Variants in FBXL20 observed in about 807,000 individuals in gnomAD.
FBXL20 encodes F-box/LRR-repeat protein 20.
Under a neutral mutation model 64.0 loss-of-function variants are expected in FBXL20, and 11 were observed. The ratio of observed to expected loss-of-function variants is 0.17; its 90% confidence interval spans 0.11 to 0.28. FBXL20 has a LOEUF of 0.28. Among genes scored for constraint, FBXL20 ranks in the 10% least tolerant of loss-of-function variants. The probability of loss-of-function intolerance (pLI) is 1.00; values close to 1 mark genes in which losing one functional copy is unlikely to be tolerated. For missense variants in FBXL20, 303 were observed against 526.2 expected (o/e 0.58, Z 4.15); for synonymous variants, 184 against 189.0 (o/e 0.97, Z 0.22).
At chr17:39,395,824 AATG>A (rs1364226754) in intron 1 of FBXL20, among the ~76,000 whole-genome samples, 1 of 152,138 alleles carries the variant, frequency 6.6e-6, no homozygotes, top group Non-Finnish European at 1.5e-5. Context: ...GTATGAGTGA[AATG>A]ATGTAGAGAG....
chr17:39,265,317 T>C (rs913358938), intron 13 of FBXL20, 80 bp downstream of exon 13: 35 of 1,114,180 alleles, frequency 3.1e-5, no homozygotes, highest in Non-Finnish European at 4.5e-5. Context: ...AGCCAGACAC[T>C]AAGAGCTGGG....
chr17:39,395,457 G>A (rs1004737853), intron 1 of FBXL20, among the ~76,000 whole-genome samples: 1 of 152,156 alleles, frequency 6.6e-6, no homozygotes, highest in African/African-American at 2.4e-5. Flanking sequence ...AAGGACCCAT[G>A]ATTATGCAAT....
chr17:39,392,537 T>TA (rs1255588415), intron 1 of FBXL20, among the ~76,000 whole-genome samples: 9 of 151,632 alleles, frequency 5.9e-5, no homozygotes, highest in South Asian at 2.1e-4. Flanking sequence ...CTTGGACCTA[T>TA]AAAAAAAGGG....
At chr17:39,374,519 C>A (rs1476811279) in intron 1 of FBXL20, among the ~76,000 whole-genome samples, 2 of 150,854 alleles carry the variant, frequency 1.3e-5, no homozygotes, top group Admixed American at 1.3e-4. Flanking sequence ...CCAGCCAAGG[C>A]AATAGAGCGA....
intron 1 of FBXL20, among the ~76,000 whole-genome samples, chr17:39,387,247 A>G (rs1207701867): frequency 6.8e-6 from 1 of 146,986 alleles, no homozygotes; most frequent in African/African-American, 2.5e-5. Flanking sequence ...CTAATCTATG[A>G]TGTTTGGTGG....
At chr17:39,379,140 C>A (rs185214786) in intron 1 of FBXL20, among the ~76,000 whole-genome samples, 1 of 149,940 alleles carries the variant, frequency 6.7e-6, no homozygotes, top group African/African-American at 2.4e-5. Context: ...GCAGGAGAAT[C>A]GCTTGAACCC....
At position 39,401,537 on chromosome 17, in the gene FBXL20, C is replaced by A; in HGVS notation, c.-135G>T. ...TGACGCCGGGACCGTGGGACGGGAA[C>A]AAGAGACCTCTCGGCTCCGGCTAGG... On this transcript the variant is annotated 5_prime_UTR_variant, in exon 1 of 15. Coordinates refer to ENST00000264658, the MANE Select transcript of FBXL20 (RefSeq NM_032875.3). 2 of 1,437,022 alleles carry A rather than the reference C, an allele frequency of 1.4e-6. No individual in the cohort carries two copies. Among genetic ancestry groups the A allele is most frequent in the Non-Finnish European group, 1.8e-6 (2 of 1,105,900 alleles). 89.0% of individuals were successfully genotyped at this position (1,437,022 alleles called of 1,614,324 possible).
intron 11 of FBXL20, among the ~76,000 whole-genome samples, chr17:39,269,980 A>G (rs757315863): frequency 2.0e-5 from 3 of 152,332 alleles, no homozygotes; most frequent in Middle Eastern, 3.4e-3. Flanking sequence ...CGATCTGCCT[A>G]AAAGCAAACG....
intron 2 of FBXL20, among the ~76,000 whole-genome samples, chr17:39,325,263 G>C (rs1284376466): frequency 6.6e-6 from 1 of 152,136 alleles, no homozygotes; most frequent in East Asian, 1.9e-4. Flanking sequence ...GACTCAAAAT[G>C]AAGGATGAGA....
chr17:39,391,195 T>C (rs2048130248), intron 1 of FBXL20, among the ~76,000 whole-genome samples: 1 of 150,716 alleles, frequency 6.6e-6, no homozygotes, highest in Non-Finnish European at 1.5e-5. Context: ...GGTGGGAGGA[T>C]TACTTGAGAC....
intron 2 of FBXL20, among the ~76,000 whole-genome samples, chr17:39,317,254 C>CA (rs1316245012): frequency 3.3e-5 from 5 of 152,098 alleles, no homozygotes; most frequent in African/African-American, 9.7e-5. Flanking sequence ...CCCCATGAGA[C>CA]AGAGTCTCAC....
In FBXL20 at chr17:39,259,453, T is replaced by A. The variant is rs201238189; in HGVS notation, c.*2007A>T. On this transcript the variant is annotated 3_prime_UTR_variant, in exon 15 of 15. Coordinates refer to ENST00000264658, the MANE Select transcript of FBXL20 (RefSeq NM_032875.3). ...ACTAAAAATCACACTGGGTTTCTAA[T>A]CTTGGGGTTTAGAAATTTTCTTCTT... The A allele has an allele frequency of 7.9e-5, 12 of 152,272 alleles. No individual in the cohort carries two copies. In the East Asian group the frequency reaches 2.3e-3, roughly 29 times the overall value. 9.4% of individuals were successfully genotyped at this position (152,272 alleles called of 1,614,324 possible).
At chr17:39,321,789 A>C (rs1265622123) in intron 2 of FBXL20, among the ~76,000 whole-genome samples, 1 of 151,780 alleles carries the variant, frequency 6.6e-6, no homozygotes, top group Non-Finnish European at 1.5e-5. Flanking sequence ...TCAAAAAAAA[A>C]AAAAAAAACA....
chr17:39,276,648 G>A (rs1468478391), intron 9 of FBXL20, among the ~76,000 whole-genome samples: 1 of 151,936 alleles, frequency 6.6e-6, no homozygotes, highest in Non-Finnish European at 1.5e-5. Context: ...CAGCCTGGGC[G>A]ACAGCCTCAG....
At chr17:39,284,331 G>C (rs751888702) in intron 7 of FBXL20, among the ~76,000 whole-genome samples, 15 of 152,166 alleles carry the variant, frequency 9.9e-5, no homozygotes, top group African/African-American at 3.6e-4. Context: ...TATTCACAAA[G>C]AAGGTCTAAA....
chr17:39,368,195 C>T (rs1170257180), intron 1 of FBXL20, among the ~76,000 whole-genome samples: 2 of 152,098 alleles, frequency 1.3e-5, no homozygotes, highest in South Asian at 2.1e-4. Flanking sequence ...TCAAGACCAG[C>T]CTGGGCAACA....
intron 10 of FBXL20, among the ~76,000 whole-genome samples, chr17:39,271,089 C>A (rs1371652539): frequency 6.6e-6 from 1 of 152,050 alleles, no homozygotes; most frequent in Non-Finnish European, 1.5e-5. Context: ...AATCAATGAA[C>A]ACAGAAGAAT....
At chr17:39,390,554 C>T (rs1310709794) in intron 1 of FBXL20, among the ~76,000 whole-genome samples, 1 of 150,218 alleles carries the variant, frequency 6.7e-6, no homozygotes, top group Non-Finnish European at 1.5e-5. Flanking sequence ...GAGCGCAAGA[C>T]TCCATCTTAA....
chr17:39,279,094 A>C (rs1267635737), intron 9 of FBXL20, among the ~76,000 whole-genome samples: 1 of 152,004 alleles, frequency 6.6e-6, no homozygotes, highest in African/African-American at 2.4e-5. Context: ...CAGAGAGCCG[A>C]GATCGCACCA....
Sources: gnomAD v4.1 joint callset for allele counts (sites outside exome capture counted in the v4.1 genomes callset) on GRCh38, gnomAD v4.1.1 for gene constraint, MANE v1.5 for transcripts, NCBI Gene and HGNC (gene_info 2026-07-23, HGNC 2026-07-21) for gene names.